The following IQSEC1 variants were observed in gnomAD, a reference collection of about 807,000 sequenced individuals.
IQSEC1 encodes IQ motif and Sec7 domain ArfGEF 1.
A neutral mutation model predicts 91.0 loss-of-function variants in IQSEC1; 31 were observed. The observed-to-expected ratio is 0.34, with a 90% confidence interval of 0.26 to 0.46. The LOEUF (loss-of-function observed/expected upper bound fraction) is 0.46, where lower values mean the gene tolerates loss of function less well. IQSEC1 is among the 20% of genes least tolerant of loss of function. The probability of loss-of-function intolerance (pLI) is 1.00; values close to 1 mark genes in which losing one functional copy is unlikely to be tolerated. For missense variants in IQSEC1, 1,388 were observed against 1,575.6 expected (o/e 0.88, Z 2.02); for synonymous variants, 699 against 662.6 (o/e 1.05, Z -0.84).
At chr3:12,997,877 T>C (rs1216692058) in intron 1 of IQSEC1, among the ~76,000 whole-genome samples, 8 of 152,254 alleles carry the variant, frequency 5.3e-5, no homozygotes, top group Admixed American at 6.5e-5. Context: ...CACCATCATA[T>C]ATGTGGTGTG....
At chr3:13,075,471 C>T (rs1454396438), upstream of IQSEC1, among the ~76,000 whole-genome samples, 1 of 152,234 alleles carries the variant, frequency 6.6e-6, no homozygotes, top group Non-Finnish European at 1.5e-5. Context: ...GAAACAGGCT[C>T]AGAGTGGTGA....
intron 1 of IQSEC1, among the ~76,000 whole-genome samples, chr3:13,003,264 C>G (rs1419715412): frequency 8.3e-6 from 1 of 120,364 alleles, no homozygotes; most frequent in East Asian, 3.4e-4. Context: ...AAAGTGAGAC[C>G]CCTGTCTCTA....
intron 1 of IQSEC1, among the ~76,000 whole-genome samples, chr3:12,956,001 T>TCA (rs1453255860): frequency 6.6e-5 from 10 of 152,190 alleles, no homozygotes; most frequent in African/African-American, 2.4e-4. Context: ...CACTAACATT[T>TCA]CAGCAACTTA....
chr3:13,105,361 T>C (rs555167053), intron 2 of IQSEC1, among the ~76,000 whole-genome samples: 2 of 152,116 alleles, frequency 1.3e-5, no homozygotes, highest in African/African-American at 4.8e-5. Flanking sequence ...TGGCCACACA[T>C]CCCAGGGTTC....
At chr3:13,195,352 TAC>T (rs1440853733) in intron 1 of IQSEC1, among the ~76,000 whole-genome samples, 2 of 152,108 alleles carry the variant, frequency 1.3e-5, no homozygotes. Context: ...CCGGAGAGGA[TAC>T]AGAGAAACTA....
rs1230261481 is a variant in IQSEC1, at chr3:12,997,306, TA to T, written c.24-55442del. Among the ~76,000 whole-genome samples the T allele has an allele frequency of 4.2e-4, 64 of 152,348 alleles. 1 individual carries two copies. Among genetic ancestry groups the T allele is most frequent in the African/African-American group, 1.5e-3 (61 of 41,576 alleles). Reference sequence around the variant, plus strand: ...AAATATGCCGAAACAAAAAAACTCTTATTGATGGATACCTTTTGGGAGGACT... The same window carrying T: ...AAATATGCCGAAACAAAAAAACTCTTTTGATGGATACCTTTTGGGAGGACT... On this transcript the variant is annotated intron_variant, in intron 1 of 13. Coordinates refer to ENST00000613206, the MANE Select transcript of IQSEC1 (RefSeq NM_001134382.3).
chr3:12,914,221 CT>C (rs1158288719), intron 8 of IQSEC1, among the ~76,000 whole-genome samples: 1 of 152,242 alleles, frequency 6.6e-6, no homozygotes, highest in African/African-American at 2.4e-5. Flanking sequence ...CCCCTGACAG[CT>C]CACGAAAGCT....
At chr3:13,283,068 G>C (rs942088373) in exon 1 of IQSEC1, among the ~76,000 whole-genome samples, 1 of 144,766 alleles carries the variant, frequency 6.9e-6, no homozygotes, top group South Asian at 2.1e-4. Flanking sequence ...GGCGGGGACG[G>C]CGGCTCGGCG....
chr3:13,195,781 C>T (rs1025848844), intron 1 of IQSEC1, among the ~76,000 whole-genome samples: 5 of 152,122 alleles, frequency 3.3e-5, no homozygotes, highest in African/African-American at 9.6e-5. Context: ...GTGGTGGGCA[C>T]GACAAAACTG....
intron 1 of IQSEC1, among the ~76,000 whole-genome samples, chr3:13,255,190 C>T (rs971689952): frequency 6.6e-6 from 1 of 152,244 alleles, no homozygotes; most frequent in Non-Finnish European, 1.5e-5. Context: ...TGACCACCCC[C>T]CAGCACCCCA....
intron 1 of IQSEC1, among the ~76,000 whole-genome samples, chr3:13,041,672 G>C (rs943199632): frequency 2.6e-5 from 4 of 152,218 alleles, no homozygotes; most frequent in Admixed American, 1.3e-4. Context: ...ACCTGCCGGA[G>C]GTATGAACAT....
At chr3:13,123,595 C>A (rs930001361) in intron 2 of IQSEC1, among the ~76,000 whole-genome samples, 1 of 152,210 alleles carries the variant, frequency 6.6e-6, no homozygotes, top group Non-Finnish European at 1.5e-5. Flanking sequence ...CTTTAGGTAC[C>A]CAAGTGCCAC....
At chr3:13,049,754 T>G (rs77322331) in intron 1 of IQSEC1, among the ~76,000 whole-genome samples, 2 of 152,258 alleles carry the variant, frequency 1.3e-5, no homozygotes, top group East Asian at 3.9e-4. Context: ...AGCAAATATT[T>G]TTTGAGCAGT....
intron 1 of IQSEC1, among the ~76,000 whole-genome samples, chr3:13,042,644 G>A (rs548436068): frequency 6.6e-6 from 1 of 152,324 alleles, no homozygotes; most frequent in South Asian, 2.1e-4. Context: ...GGCTTCCCTG[G>A]GGGTCCCTGG....
intron 8 of IQSEC1, 87 bp downstream of exon 8, chr3:12,915,017 G>A (rs1695938515): frequency 2.2e-6 from 3 of 1,377,728 alleles, no homozygotes; most frequent in African/African-American, 2.9e-5. Flanking sequence ...TGGGCTCTGG[G>A]AGCCTGGGGA....
chr3:12,978,522 C>A (rs1281143034), intron 1 of IQSEC1, among the ~76,000 whole-genome samples: 1 of 152,050 alleles, frequency 6.6e-6, no homozygotes, highest in Middle Eastern at 3.4e-3. Context: ...TACGGTGAAA[C>A]CCCGTCTCTA....
At chr3:13,109,913 C>T (rs1706213380) in intron 2 of IQSEC1, among the ~76,000 whole-genome samples, 2 of 132,716 alleles carry the variant, frequency 1.5e-5, no homozygotes, top group Non-Finnish European at 3.1e-5. Flanking sequence ...GAGACGGAGT[C>T]TAGCTGTCGC....
intron 1 of IQSEC1, among the ~76,000 whole-genome samples, chr3:13,268,048 T>C (rs1695527936): frequency 6.6e-6 from 1 of 152,304 alleles, no homozygotes; most frequent in Non-Finnish European, 1.5e-5. Flanking sequence ...GTGAGTCCTG[T>C]CCGTGAGGGA....
intron 1 of IQSEC1, among the ~76,000 whole-genome samples, chr3:12,953,235 A>G (rs528946215): frequency 6.6e-6 from 1 of 152,368 alleles, no homozygotes; most frequent in South Asian, 2.1e-4. Context: ...CGTGCGCCGT[A>G]GACAGACCTG....
Sources: gnomAD v4.1 joint callset for allele counts (sites outside exome capture counted in the v4.1 genomes callset) on GRCh38, gnomAD v4.1.1 for gene constraint, MANE v1.5 for transcripts, NCBI Gene and HGNC (gene_info 2026-07-23, HGNC 2026-07-21) for gene names.